SLC44A5: variants seen among roughly 807,000 people sequenced by gnomAD.
SLC44A5 encodes the protein solute carrier family 44 member 5.
A neutral mutation model predicts 101.8 loss-of-function variants in SLC44A5; 57 were observed. The observed-to-expected ratio is 0.56, with a 90% CI of 0.45 to 0.70. The LOEUF is 0.70. Ranked by LOEUF, SLC44A5 falls within the 30% of genes least tolerant of loss-of-function variation. SLC44A5 has a pLI of 0.00. For missense variants in SLC44A5, 737 were observed against 853.1 expected (o/e 0.86, Z 1.70); for synonymous variants, 281 against 290.9 (o/e 0.97, Z 0.35).
chr1:75,445,654 A>T (rs1665531132), intron 2 of SLC44A5, among the ~76,000 whole-genome samples: 1 of 145,796 alleles, frequency 6.9e-6, no homozygotes, highest in East Asian at 2.0e-4. Flanking sequence ...TCTTTTCATT[A>T]TGTTTCTGTG....
chr1:75,670,075 T>C, the SLC44A5 span, among the ~76,000 whole-genome samples: 2 of 152,048 alleles, frequency 1.3e-5, no homozygotes, highest in South Asian at 4.1e-4. Context: ...GAATTAATGA[T>C]ACAAATTACA....
chr1:75,562,129 T>A (rs1672552205), intron 1 of SLC44A5, among the ~76,000 whole-genome samples: 4 of 152,140 alleles, frequency 2.6e-5, no homozygotes, highest in Admixed American at 1.3e-4. Context: ...ATTTAAAAAA[T>A]TAAAAGAAAC....
At chr1:75,699,301 T>C in the SLC44A5 span, among the ~76,000 whole-genome samples, 1 of 151,924 alleles carries the variant, frequency 6.6e-6, no homozygotes, top group Admixed American at 6.6e-5. Context: ...TAACAGCGGA[T>C]CTCTCGGCAG....
In SLC44A5 at chr1:75,241,981, G is replaced by A. The variant is rs1570449074; in HGVS notation, c.532+20C>T. On this transcript the variant is annotated intron_variant, in intron 9 of 23. Coordinates refer to ENST00000370859, the MANE Select transcript of SLC44A5 (RefSeq NM_001130058.2). ...TTTTGGTAGATCCTATGTTTCTAAG[G>A]TAAAATAGTTGCCACTTACAAGGTT... 1.3e-6 allele frequency: 2 copies of A among 1,599,444 alleles called. No individual in the cohort carries two copies. The highest frequency in any genetic ancestry group is 1.7e-4 in the Middle Eastern group (1 of 6,022).
At chr1:75,519,339 C>G (rs573645374) in intron 2 of SLC44A5, among the ~76,000 whole-genome samples, 4 of 152,240 alleles carry the variant, frequency 2.6e-5, no homozygotes, top group African/African-American at 9.6e-5. Flanking sequence ...GGGAAAATAA[C>G]TTGAGATCAG....
chr1:75,544,023 T>C (rs1671507895), intron 1 of SLC44A5, among the ~76,000 whole-genome samples: 1 of 152,144 alleles, frequency 6.6e-6, no homozygotes, highest in South Asian at 2.1e-4. Flanking sequence ...AGTTGGAAAA[T>C]GCTATGGTTT....
At chr1:75,618,061 A>G in the SLC44A5 span, among the ~76,000 whole-genome samples, 1 of 152,212 alleles carries the variant, frequency 6.6e-6, no homozygotes, top group Non-Finnish European at 1.5e-5. Context: ...TTTTAACTCA[A>G]TACCCAGCTC....
At chr1:75,320,881 C>A (rs902618219) in intron 4 of SLC44A5, among the ~76,000 whole-genome samples, 1 of 152,018 alleles carries the variant, frequency 6.6e-6, no homozygotes, top group African/African-American at 2.4e-5. Context: ...AAGGTTGAAG[C>A]AGCACAAATA....
the SLC44A5 span, among the ~76,000 whole-genome samples, chr1:75,711,881 C>T: frequency 7.2e-5 from 11 of 152,210 alleles, no homozygotes; most frequent in Admixed American, 4.6e-4. Context: ...TATTCTGACT[C>T]TGGCCAACAC....
chr1:75,586,750 G>A (rs1674024633), intron 1 of SLC44A5, among the ~76,000 whole-genome samples: 1 of 152,062 alleles, frequency 6.6e-6, no homozygotes, highest in Non-Finnish European at 1.5e-5. Context: ...ATCTTTAATA[G>A]AAAGCAAAGT....
At chr1:75,351,777 TCTAA>T (rs1456222029) in intron 3 of SLC44A5, among the ~76,000 whole-genome samples, 3 of 142,470 alleles carry the variant, frequency 2.1e-5, no homozygotes, top group Non-Finnish European at 1.5e-5. Context: ...TCTTTGAGAT[TCTAA>T]CTGTCGCCCC....
intron 5 of SLC44A5, among the ~76,000 whole-genome samples, chr1:75,288,765 C>A (rs1248838481): frequency 6.6e-6 from 1 of 152,240 alleles, no homozygotes; most frequent in Non-Finnish European, 1.5e-5. Flanking sequence ...CAAATGCTTT[C>A]TCCTTTTTCC....
chr1:75,544,103 T>C (rs1351028787), intron 1 of SLC44A5, among the ~76,000 whole-genome samples: 1 of 152,188 alleles, frequency 6.6e-6, no homozygotes, highest in Non-Finnish European at 1.5e-5. Flanking sequence ...AAGTGGGATC[T>C]TTAAGAGGTG....
intron 2 of SLC44A5, among the ~76,000 whole-genome samples, chr1:75,438,972 A>T (rs149291599): frequency 6.6e-6 from 1 of 152,106 alleles, no homozygotes; most frequent in Admixed American, 6.6e-5. Flanking sequence ...AGCACAAAAT[A>T]AGCAAGCAAT....
At chr1:75,544,170 C>T (rs1276090156) in intron 1 of SLC44A5, among the ~76,000 whole-genome samples, 4 of 152,052 alleles carry the variant, frequency 2.6e-5, no homozygotes, top group African/African-American at 7.2e-5. Flanking sequence ...TCAAGGGCGT[C>T]GGTTGCTTAT....
chr1:75,311,733 G>A (rs975381909), intron 4 of SLC44A5: 1 of 162,236 alleles, frequency 6.2e-6, no homozygotes, highest in African/African-American at 2.4e-5. Context: ...AATAAGTAAC[G>A]ATCAATCAAT....
intron 1 of SLC44A5, among the ~76,000 whole-genome samples, chr1:75,555,324 G>A (rs961553728): frequency 2.0e-5 from 3 of 152,098 alleles, no homozygotes; most frequent in Non-Finnish European, 2.9e-5. Context: ...TTAGGGAGAT[G>A]AAAATGTTCT....
At chr1:75,614,458 T>C (rs891205343), upstream of SLC44A5, among the ~76,000 whole-genome samples, 1 of 152,210 alleles carries the variant, frequency 6.6e-6, no homozygotes, top group Non-Finnish European at 1.5e-5. Context: ...TTAAGGATCA[T>C]GATTTTAAAC....
chr1:75,275,279 A>T (rs1055910371), intron 5 of SLC44A5, among the ~76,000 whole-genome samples: 7 of 152,302 alleles, frequency 4.6e-5, no homozygotes, highest in African/African-American at 1.7e-4. Context: ...TAGCCAAAAC[A>T]TGAGGTAATG....
Sources: gnomAD v4.1 joint callset for allele counts (sites outside exome capture counted in the v4.1 genomes callset) on GRCh38, gnomAD v4.1.1 for gene constraint, MANE v1.5 for transcripts, NCBI Gene and HGNC (gene_info 2026-07-23, HGNC 2026-07-21) for gene names.